The following RAB27B variants were observed in gnomAD, a reference collection of about 807,000 sequenced individuals.
The protein encoded by RAB27B is RAB27B, member RAS oncogene family, also known as ras-related protein Rab-27B.
A neutral mutation model predicts 24.6 loss-of-function variants in RAB27B; 15 were observed. The observed-to-expected ratio is 0.61, with a 90% CI of 0.41 to 0.94. The LOEUF (loss-of-function observed/expected upper bound fraction) is 0.94, where lower values mean the gene tolerates loss of function less well. Ranked by LOEUF, RAB27B falls within the 40% of genes least tolerant of loss-of-function variation. RAB27B has a pLI of 0.00. For missense variants in RAB27B, 261 were observed against 266.8 expected (o/e 0.98, Z 0.15); for synonymous variants, 105 against 92.5 (o/e 1.14, Z -0.78).
At chr18:54,740,946 C>A (rs1910052166) in intron 2 of RAB27B, among the ~76,000 whole-genome samples, 1 of 152,122 alleles carries the variant, frequency 6.6e-6, no homozygotes, top group East Asian at 1.9e-4. Context: ...TATGACAAGA[C>A]TAAAACTTGG....
intron 1 of RAB27B, among the ~76,000 whole-genome samples, chr18:54,836,183 A>G (rs987894423): frequency 6.6e-6 from 1 of 151,912 alleles, no homozygotes; most frequent in Non-Finnish European, 1.5e-5. Context: ...AAAATTCTAC[A>G]TTGCGGTTTT....
At position 54,840,125 on chromosome 18, in the gene RAB27B, A is replaced by G. The variant is rs1397554248; in HGVS notation, c.-20+11425A>G. Among the ~76,000 whole-genome samples, 3 of 152,204 alleles carry G rather than the reference A, an allele frequency of 2.0e-5. No individual in the cohort carries two copies. The East Asian group carries it at 5.8e-4, about 29-fold the overall frequency. On this transcript the variant is annotated intron_variant, in intron 1 of 5. Transcript: ENST00000262094. Reference sequence around the variant, plus strand: ...AATAATGTTATGACTTGTCTATTTTATCATGAAGGTAAGATTGTCTTCTTG... The same window carrying G: ...AATAATGTTATGACTTGTCTATTTTGTCATGAAGGTAAGATTGTCTTCTTG...
intron 1 of RAB27B, among the ~76,000 whole-genome samples, chr18:54,846,405 T>A (rs1911340188): frequency 6.6e-6 from 1 of 152,262 alleles, no homozygotes; most frequent in Non-Finnish European, 1.5e-5. Flanking sequence ...TTGTAGCAAC[T>A]TTATAGAATG....
intron 2 of RAB27B, among the ~76,000 whole-genome samples, chr18:54,769,569 A>G (rs1568059189): frequency 6.6e-6 from 1 of 152,084 alleles, no homozygotes; most frequent in Non-Finnish European, 1.5e-5. Flanking sequence ...ATATTTTCCC[A>G]TACAAAAGAT....
chr18:54,894,659 ATAAACCCT>A lies in RAB27B; in HGVS notation c.*5247_*5254del, dbSNP rs1368941552. ...AGTGATTTATCCTCATATAGGGCTT[ATAAACCCT>A]GTATGTGTTTATATGTGCTTCACAG... is the stretch of plus-strand genomic sequence containing the variant. On this transcript the variant is annotated 3_prime_UTR_variant, in exon 6 of 6. Transcript: ENST00000262094. 6.6e-6 allele frequency: 1 copy of A among 152,118 alleles called. No homozygotes were observed. The highest frequency in any genetic ancestry group is 1.5e-5 in the Non-Finnish European group (1 of 67,978). The allele number at this position is 152,118 out of a possible 1,614,324, so 9.4% of individuals were successfully genotyped here.
At chr18:54,779,949 C>G (rs1469462061) in intron 2 of RAB27B, among the ~76,000 whole-genome samples, 7 of 151,194 alleles carry the variant, frequency 4.6e-5, no homozygotes, top group South Asian at 2.1e-4. Context: ...CATGTCCCCC[C>G]TCTCCTGACG....
In RAB27B at chr18:54,746,844, T is replaced by C. The variant is rs113874866; in HGVS notation, c.-20+28703T>C. ...ATTTCTTATTATACTCAATCCACAA[T>C]TCACTTTTTGTATACTTGCATTTCA... On this transcript the variant is annotated intron_variant, in intron 2 of 4. Transcript: ENST00000586570. Among the ~76,000 whole-genome samples the C allele has an allele frequency of 1.4e-3, 208 of 152,284 alleles. 1 individual carries two copies. The highest frequency in any genetic ancestry group is 4.9e-3 in the African/African-American group (203 of 41,566).
At chr18:54,731,618 G>T (rs533155947) in intron 2 of RAB27B, among the ~76,000 whole-genome samples, 1 of 152,158 alleles carries the variant, frequency 6.6e-6, no homozygotes, top group Non-Finnish European at 1.5e-5. Flanking sequence ...TACTCAGAAG[G>T]CTGAGGCAGG....
At chr18:54,792,327 C>T (rs928360138) in intron 2 of RAB27B, among the ~76,000 whole-genome samples, 5 of 152,158 alleles carry the variant, frequency 3.3e-5, no homozygotes, top group Non-Finnish European at 7.3e-5. Context: ...GGGAACCTTT[C>T]GCCTTTCACC....
At chr18:54,740,811 G>A (rs1418083095) in intron 2 of RAB27B, among the ~76,000 whole-genome samples, 2 of 152,162 alleles carry the variant, frequency 1.3e-5, no homozygotes, top group Non-Finnish European at 2.9e-5. Flanking sequence ...GACATAGACA[G>A]ATGATAGATA....
At chr18:54,730,647 G>A (rs2144990566) in intron 2 of RAB27B, among the ~76,000 whole-genome samples, 1 of 151,972 alleles carries the variant, frequency 6.6e-6, no homozygotes, top group Admixed American at 6.6e-5. Flanking sequence ...CATGGGAGCT[G>A]GTGTTGATGG....
At chr18:54,723,998 C>T (rs1045101164) in intron 2 of RAB27B, among the ~76,000 whole-genome samples, 2 of 151,896 alleles carry the variant, frequency 1.3e-5, no homozygotes, top group African/African-American at 4.8e-5. Context: ...AGAACCATGG[C>T]ATAGTGGCCA....
At chr18:54,802,926 A>G (rs954362128) in intron 2 of RAB27B, among the ~76,000 whole-genome samples, 1 of 151,918 alleles carries the variant, frequency 6.6e-6, no homozygotes, top group Admixed American at 6.6e-5. Flanking sequence ...AGTTTTACCA[A>G]CTCCCCATTC....
chr18:54,765,202 A>C (rs1473851372), intron 2 of RAB27B, among the ~76,000 whole-genome samples: 1 of 152,112 alleles, frequency 6.6e-6, no homozygotes, highest in Non-Finnish European at 1.5e-5. Flanking sequence ...CCCCCAATTC[A>C]GTCTTTATTT....
intron 2 of RAB27B, among the ~76,000 whole-genome samples, chr18:54,779,592 C>G (rs1171862509): frequency 1.3e-5 from 2 of 152,096 alleles, no homozygotes; most frequent in Non-Finnish European, 2.9e-5. Flanking sequence ...TACAAAGGTC[C>G]AGGATGTGAA....
intron 1 of RAB27B, among the ~76,000 whole-genome samples, chr18:54,871,354 A>C (rs1289013291): frequency 6.6e-6 from 1 of 152,248 alleles, no homozygotes; most frequent in East Asian, 1.9e-4. Context: ...TTCATAGTCA[A>C]TTAGTGGGAA....
rs1302461037 is a variant in RAB27B, at chr18:54,892,792, C to T, written c.*3379C>T. 3 of 152,010 alleles carry T rather than the reference C, an allele frequency of 2.0e-5. No homozygotes were observed. Among genetic ancestry groups the T allele is most frequent in the African/African-American group, 7.2e-5 (3 of 41,420 alleles). The allele number at this position is 152,010 out of a possible 1,614,324, so 9.4% of individuals were successfully genotyped here. ...GCTATTTCTAAAGTAAACATTTTATCTGTTACTTTTAACCAGATAGGTGTC... is the reference window on the plus strand; with the variant it reads ...GCTATTTCTAAAGTAAACATTTTATTTGTTACTTTTAACCAGATAGGTGTC... On this transcript the variant is annotated 3_prime_UTR_variant, in exon 6 of 6. Coordinates refer to ENST00000262094, the MANE Select transcript of RAB27B (RefSeq NM_004163.4).
At chr18:54,732,340 G>T in intron 2 of RAB27B, among the ~76,000 whole-genome samples, 1 of 152,154 alleles carries the variant, frequency 6.6e-6, no homozygotes, top group South Asian at 2.1e-4. Context: ...CTCTGCCTCT[G>T]TTAATATATT....
rs186484307 is a variant in RAB27B at position 54,784,045 on chromosome 18, A to C, written c.-20+65904A>C. 2.2e-4 allele frequency among the ~76,000 whole-genome samples: 34 copies of C among 152,316 alleles called. No individual in the cohort carries two copies. In the East Asian group the frequency reaches 4.6e-3, roughly 21 times the overall value. ...TTTTCAAAGACAAGGGTACTGGGAG[A>C]GTTATCCATAGGGAGTTCACTATAG... On this transcript the variant is annotated intron_variant, in intron 2 of 4. Transcript: ENST00000586570.
Sources: gnomAD v4.1 joint callset for allele counts (sites outside exome capture counted in the v4.1 genomes callset) on GRCh38, gnomAD v4.1.1 for gene constraint, MANE v1.5 for transcripts, NCBI Gene and HGNC (gene_info 2026-07-23, HGNC 2026-07-21) for gene names.